ITGAV: variants seen among roughly 807,000 people sequenced by gnomAD.
The protein encoded by ITGAV is integrin subunit alpha V, also known as integrin alpha-V.
Under a neutral mutation model 143.8 loss-of-function variants are expected in ITGAV, and 76 were observed. The ratio of observed to expected loss-of-function variants is 0.53; its 90% CI spans 0.44 to 0.64. ITGAV has a LOEUF of 0.64. ITGAV is among the 30% of genes least tolerant of loss of function. The pLI is 0.00. For synonymous variants in ITGAV, 453 were observed against 446.7 expected, an observed-to-expected ratio of 1.01 and a Z score of -0.18; for missense variants, 1,193 against 1,274.7, an observed-to-expected ratio of 0.94 and a Z score of 0.98.
chr2:186,654,935 C>T (rs1688542277), intron 16 of ITGAV, among the ~76,000 whole-genome samples: 1 of 152,102 alleles, frequency 6.6e-6, no homozygotes, highest in East Asian at 1.9e-4. Flanking sequence ...CTAAATAGCC[C>T]ACAGAATGGT....
At chr2:186,675,098 C>A (rs961112510) in intron 26 of ITGAV, among the ~76,000 whole-genome samples, 4 of 152,138 alleles carry the variant, frequency 2.6e-5, no homozygotes, top group African/African-American at 7.2e-5. Context: ...ATATTTATTT[C>A]TTTTGGCTGC....
At chr2:186,600,284 T>C in intron 1 of ITGAV, 1 of 1,512,108 alleles carries the variant, frequency 6.6e-7, no homozygotes, top group Non-Finnish European at 9.0e-7. Flanking sequence ...CATCTCTTCA[T>C]TCCACTTCCC....
chr2:186,600,087 G>C (rs1686856804), intron 1 of ITGAV: 5 of 455,438 alleles, frequency 1.1e-5, no homozygotes, highest in South Asian at 5.8e-5. Flanking sequence ...AATGAACCTT[G>C]GGATAAAATA....
At chr2:186,659,197 T>G in intron 18 of ITGAV, 22 bp downstream of exon 18, 1 of 1,430,530 alleles carries the variant, frequency 7.0e-7, no homozygotes. Context: ...AGTTTACCAC[T>G]AATGTGATAT....
At chr2:186,611,343 G>A (rs928397717) in intron 2 of ITGAV, among the ~76,000 whole-genome samples, 3 of 152,018 alleles carry the variant, frequency 2.0e-5, no homozygotes, top group Admixed American at 1.3e-4. Flanking sequence ...GATATTATTC[G>A]CCTACCACAG....
rs568062575 is a variant in ITGAV at position 186,621,073 on chromosome 2, TTTTGG to T, written c.317-1261_317-1257del. Among the ~76,000 whole-genome samples the T allele has an allele frequency of 1.9e-3, 283 of 152,234 alleles. 1 individual carries two copies. The highest frequency in any genetic ancestry group is 6.5e-3 in the African/African-American group (268 of 41,538). The stretch of plus-strand genomic sequence containing the variant: ...TCTGTCTTTATGGCTTTGTTTTATG[TTTTGG>T]TTTGTTTTGTAATGAATAAGACATC... On this transcript the variant is annotated intron_variant, in intron 2 of 29. Coordinates refer to ENST00000261023, the MANE Select transcript of ITGAV (RefSeq NM_002210.5).
At chr2:186,626,000 T>C (rs1483120032) in intron 4 of ITGAV, among the ~76,000 whole-genome samples, 2 of 152,160 alleles carry the variant, frequency 1.3e-5, no homozygotes, top group Non-Finnish European at 1.5e-5. Flanking sequence ...AAGGCAATTC[T>C]GATAGATACC....
At chr2:186,677,106 A>G in intron 29 of ITGAV, 91 bp from the exon 30 acceptor site, 3 of 1,270,350 alleles carry the variant, frequency 2.4e-6, no homozygotes, top group Non-Finnish European at 2.2e-6. Context: ...ATACAATTTA[A>G]ATGTTCTTAG....
At chr2:186,623,072 GA>G (rs981772550) in intron 3 of ITGAV, among the ~76,000 whole-genome samples, 27 of 150,904 alleles carry the variant, frequency 1.8e-4, no homozygotes, top group African/African-American at 6.1e-4. Flanking sequence ...ACAGAACAAA[GA>G]AAAAAAAATA....
intron 21 of ITGAV, 64 bp downstream of exon 21, chr2:186,665,282 G>A: frequency 9.7e-7 from 1 of 1,029,974 alleles, no homozygotes; most frequent in Admixed American, 1.9e-5. Context: ...TGTTGTCTGG[G>A]CTCATAGTAA....
At position 186,665,225 on chromosome 2, in the gene ITGAV, C is replaced by T; in HGVS notation, c.2166+7C>T. Reference sequence around the variant, plus strand: ...AATGAAGGCTGGAACTCAAGTAAGACAATTTAATTAAACGGATTTTTCTCC... The same window carrying T: ...AATGAAGGCTGGAACTCAAGTAAGATAATTTAATTAAACGGATTTTTCTCC... On this transcript the variant is annotated splice_region_variant and intron_variant, in intron 21 of 29. Transcript: ENST00000261023. 6.4e-7 allele frequency: 1 copy of T among 1,564,022 alleles called. No homozygotes were observed. Among genetic ancestry groups the T allele is most frequent in the Non-Finnish European group, 8.8e-7 (1 of 1,136,536 alleles).
At chr2:186,646,592 C>A in intron 12 of ITGAV, 94 bp from the exon 13 acceptor site, 2 of 804,120 alleles carry the variant, frequency 2.5e-6, no homozygotes, top group Non-Finnish European at 3.9e-6. Flanking sequence ...TTGCCCTCTT[C>A]CCCCCTTCTC....
At chr2:186,604,768 G>A (rs147053041) in intron 2 of ITGAV, among the ~76,000 whole-genome samples, 1 of 152,122 alleles carries the variant, frequency 6.6e-6, no homozygotes, top group Admixed American at 6.6e-5. Context: ...CCCTTTTCCT[G>A]TGAGCTACTT....
intron 26 of ITGAV, among the ~76,000 whole-genome samples, chr2:186,674,371 T>G (rs1267436720): frequency 6.6e-6 from 1 of 152,206 alleles, no homozygotes; most frequent in Non-Finnish European, 1.5e-5. Context: ...CATATTGATC[T>G]TGTGTCCTGT....
In ITGAV at chr2:186,678,755, A is replaced by C. The variant is rs1451027117; in HGVS notation, c.*1463A>C. On this transcript the variant is annotated 3_prime_UTR_variant, in exon 30 of 30. Coordinates refer to ENST00000261023, the MANE Select transcript of ITGAV (RefSeq NM_002210.5). Reference sequence around the variant, plus strand: ...TTTTTGTGCAATTACATCATGTTGTACATTAGAAATGGAGAGTTTAATAGC... The same window carrying C: ...TTTTTGTGCAATTACATCATGTTGTCCATTAGAAATGGAGAGTTTAATAGC... 2.2e-6 allele frequency: 1 copy of C among 455,832 alleles called. No homozygotes were observed. Among genetic ancestry groups the C allele is most frequent in the East Asian group, 6.9e-5 (1 of 14,390 alleles). 28.2% of individuals were successfully genotyped at this position (455,832 alleles called of 1,614,324 possible).
At chr2:186,663,066 C>T (rs187545014) in intron 18 of ITGAV, among the ~76,000 whole-genome samples, 5 of 152,192 alleles carry the variant, frequency 3.3e-5, no homozygotes, top group African/African-American at 4.8e-5. Context: ...CACTGTTTCT[C>T]TCTTTTGGGT....
At chr2:186,654,542 A>G in intron 15 of ITGAV, 108 bp from the exon 16 acceptor site, 1 of 564,844 alleles carries the variant, frequency 1.8e-6, no homozygotes, top group Non-Finnish European at 3.2e-6. Flanking sequence ...AGAAAGATGT[A>G]AGGCTTCACA....
chr2:186,604,136 T>G (rs1463065903), intron 2 of ITGAV, among the ~76,000 whole-genome samples: 1 of 152,052 alleles, frequency 6.6e-6, no homozygotes, highest in Non-Finnish European at 1.5e-5. Flanking sequence ...TCTCCTGAAG[T>G]CCTGAGACTA....
chr2:186,648,882 G>A (rs1438087707), intron 13 of ITGAV, among the ~76,000 whole-genome samples: 4 of 149,256 alleles, frequency 2.7e-5, no homozygotes, highest in Non-Finnish European at 5.9e-5. Context: ...CTTAACTATA[G>A]ATTATTAGTA....
Sources: gnomAD v4.1 joint callset for allele counts (sites outside exome capture counted in the v4.1 genomes callset) on GRCh38, gnomAD v4.1.1 for gene constraint, MANE v1.5 for transcripts, NCBI Gene and HGNC (gene_info 2026-07-23, HGNC 2026-07-21) for gene names.